MCFD2: variants seen among roughly 807,000 people sequenced by gnomAD.
MCFD2 encodes the protein multiple coagulation factor deficiency protein 2.
In MCFD2, 11 loss-of-function variants were observed where a neutral mutation model predicts 12.8. That is an observed-to-expected ratio of 0.86 (90% CI 0.54 to 1.42). The LOEUF is 1.42. Ranked by LOEUF, MCFD2 falls within the 40% of genes most tolerant of loss-of-function variation. MCFD2 has a pLI of 0.00. For missense variants in MCFD2, 191 were observed against 178.6 expected (o/e 1.07, Z -0.40); for synonymous variants, 70 against 68.1 (o/e 1.03, Z -0.14).
At chr2:46,933,038 A>G (rs960615215) in intron 1 of MCFD2, among the ~76,000 whole-genome samples, 1 of 152,122 alleles carries the variant, frequency 6.6e-6, no homozygotes, top group African/African-American at 2.4e-5. Context: ...CTGCACTGAA[A>G]AGGCTCTGAG....
upstream of MCFD2, among the ~76,000 whole-genome samples, chr2:46,918,575 AAC>A (rs1340820200): frequency 6.6e-6 from 1 of 152,238 alleles, no homozygotes; most frequent in Non-Finnish European, 1.5e-5. Context: ...GGATGCTAAA[AAC>A]AAGACACTAA....
rs925819901 is a variant in MCFD2 at position 46,941,819 on chromosome 2, C to T, written c.-255G>A. On this transcript the variant is annotated 5_prime_UTR_variant, in exon 1 of 3. Transcript: ENST00000409147. The surrounding 1 kb of genome is among the most constrained non-coding windows in gnomAD (Gnocchi z 4.2). Reference sequence around the variant, plus strand: ...CGCCCAGACAGTCCTCGGCCGACAGCGGGCGCCTGCCAGCCCACCGTGCTA... The same window carrying T: ...CGCCCAGACAGTCCTCGGCCGACAGTGGGCGCCTGCCAGCCCACCGTGCTA... 1.2e-4 allele frequency: 180 copies of T among 1,476,632 alleles called. No individual in the cohort carries two copies. In the East Asian group the frequency reaches 1.9e-3, roughly 15 times the overall value. 91.5% of individuals were successfully genotyped at this position (1,476,632 alleles called of 1,614,324 possible).
chr2:46,923,564 C>T lies in MCFD2; in HGVS notation c.-7-15595G>A, dbSNP rs190596614. The stretch of plus-strand genomic sequence containing the variant: ...AGACCTGTCTCTTTACTCTTTTTAA[C>T]ACAAAATTTCTTCCCTTGTTGCAGT... On this transcript the variant is annotated intron_variant, in intron 1 of 2. Transcript: ENST00000409147. Among the ~76,000 whole-genome samples the T allele has an allele frequency of 4.1e-4, 63 of 152,272 alleles. 1 individual carries two copies. Among genetic ancestry groups the T allele is most frequent in the Admixed American group, 7.8e-4 (12 of 15,290 alleles).
chr2:46,910,270 T>A (rs1266615526), intron 1 of MCFD2, among the ~76,000 whole-genome samples: 1 of 152,108 alleles, frequency 6.6e-6, no homozygotes, highest in African/African-American at 2.4e-5. Flanking sequence ...TAATTGTTGA[T>A]TCAATGGAAA....
Position 46,907,802 on chromosome 2 carries a change from A to C in MCFD2, c.309+8T>G. On this transcript the variant is annotated splice_region_variant and intron_variant, in intron 3 of 3. Coordinates refer to ENST00000319466, the MANE Select transcript of MCFD2 (RefSeq NM_139279.6). This position sits in a 1 kb window ranked among gnomAD's most constrained non-coding sequence, Gnocchi z 4.1. Reference sequence around the variant, plus strand: ...TGATACAGTCCCCCAAGCCACTGCCAGACCTACCTCCTTATGGACATGAGT... The same window carrying C: ...TGATACAGTCCCCCAAGCCACTGCCCGACCTACCTCCTTATGGACATGAGT... 6.2e-7 allele frequency: 1 copy of C among 1,614,128 alleles called. No individual in the cohort carries two copies. The highest frequency in any genetic ancestry group is 8.5e-7 in the Non-Finnish European group (1 of 1,179,990).
Position 46,907,665 on chromosome 2 carries a change from G to A in MCFD2, c.309+145C>T. The stretch of plus-strand genomic sequence containing the variant: ...TTCCACTTTGGCCTCCCAAAGTGCT[G>A]GGATTACAGATGCGAGCCATCATGC... On this transcript the variant is annotated intron_variant, in intron 3 of 3. Transcript: ENST00000319466. This position sits in a 1 kb window ranked among gnomAD's most constrained non-coding sequence, Gnocchi z 4.1. 1 of 900,910 alleles carries A rather than the reference G, an allele frequency of 1.1e-6. No homozygotes were observed. Among genetic ancestry groups the A allele is most frequent in the Admixed American group, 1.9e-5 (1 of 51,356 alleles). 55.8% of individuals were successfully genotyped at this position (900,910 alleles called of 1,614,324 possible).
chr2:46,908,741 A>G lies in MCFD2; in HGVS notation c.149+282T>C, dbSNP rs531017614. The G allele has an allele frequency of 4.7e-5, 23 of 487,842 alleles. 1 individual carries two copies. Among genetic ancestry groups the G allele is most frequent in the South Asian group, 2.9e-4 (14 of 48,254 alleles). 30.2% of individuals were successfully genotyped at this position (487,842 alleles called of 1,614,324 possible). A position where few individuals can be genotyped will look rare whatever the true frequency, so the allele number is the denominator to read the frequency against. On this transcript the variant is annotated intron_variant, in intron 2 of 3. Coordinates refer to ENST00000319466, the MANE Select transcript of MCFD2 (RefSeq NM_139279.6). This position sits in a 1 kb window ranked among gnomAD's most constrained non-coding sequence, Gnocchi z 4.5. ...ACTGTGTATGTGTACCTGTGTGTCT[A>G]TTTGTATGTGTGTGTGTCTGTCTGT...
At chr2:46,921,229 A>AT (rs1298073306) in intron 1 of MCFD2, among the ~76,000 whole-genome samples, 1 of 152,220 alleles carries the variant, frequency 6.6e-6, no homozygotes, top group Non-Finnish European at 1.5e-5. Flanking sequence ...AAGTAAAAGT[A>AT]TCTTTATTCA....
At chr2:46,918,236 T>C (rs994043909), upstream of MCFD2, among the ~76,000 whole-genome samples, 2 of 152,260 alleles carry the variant, frequency 1.3e-5, no homozygotes, top group African/African-American at 4.8e-5. Context: ...GTACTCATTC[T>C]GTTGTTCAAG....
At chr2:46,935,305 C>A (rs1270294015) in intron 1 of MCFD2, among the ~76,000 whole-genome samples, 2 of 152,120 alleles carry the variant, frequency 1.3e-5, no homozygotes, top group African/African-American at 2.4e-5. Context: ...TTCAAGGCTG[C>A]AGTGAACTAT....
intron 1 of MCFD2, among the ~76,000 whole-genome samples, chr2:46,911,648 A>T (rs1028633123): frequency 6.6e-6 from 1 of 151,724 alleles, no homozygotes; most frequent in Non-Finnish European, 1.5e-5. Context: ...TTCAGCCGGC[A>T]TGGTGGCTCG....
At chr2:46,928,540 C>G (rs1669526693) in intron 1 of MCFD2, among the ~76,000 whole-genome samples, 1 of 149,366 alleles carries the variant, frequency 6.7e-6, no homozygotes, top group African/African-American at 2.5e-5. Context: ...GAAGCCGAGA[C>G]AGGTGGATTG....
chr2:46,908,965 T>A lies in MCFD2; in HGVS notation c.149+58A>T. The stretch of plus-strand genomic sequence containing the variant: ...GGAGGACTGAGCATGCCCTTGCCGC[T>A]GGCTCAGCTGCAGATGATGGGGAGG... On this transcript the variant is annotated intron_variant, in intron 2 of 3. Transcript: ENST00000319466. This position sits in a 1 kb window ranked among gnomAD's most constrained non-coding sequence, Gnocchi z 4.5. 1 of 1,611,096 alleles carries A rather than the reference T, an allele frequency of 6.2e-7. No individual in the cohort carries two copies. The highest frequency in any genetic ancestry group is 8.5e-7 in the Non-Finnish European group (1 of 1,177,288).
chr2:46,912,155 G>A (rs752305312), intron 1 of MCFD2, among the ~76,000 whole-genome samples: 9 of 151,598 alleles, frequency 5.9e-5, no homozygotes, highest in African/African-American at 1.9e-4. Context: ...GGCCAATGTG[G>A]CAAAATGCGT....
At chr2:46,919,840 A>G (rs577607352), upstream of MCFD2, among the ~76,000 whole-genome samples, 14 of 152,364 alleles carry the variant, frequency 9.2e-5, no homozygotes, top group Middle Eastern at 0.014. Flanking sequence ...TGTTTAGAGA[A>G]AAGGTCTTGC....
intron 1 of MCFD2, among the ~76,000 whole-genome samples, chr2:46,934,650 C>T (rs77549070): frequency 0.057 from 8,620 of 152,008 alleles, 293 homozygotes; most frequent in African/African-American, 0.088. Context: ...TCATAGGTTG[C>T]AGTAAGCCTG....
intron 1 of MCFD2, among the ~76,000 whole-genome samples, chr2:46,914,418 C>T (rs1194043136): frequency 6.6e-6 from 1 of 152,224 alleles, no homozygotes; most frequent in Non-Finnish European, 1.5e-5. Flanking sequence ...GTCACTTACC[C>T]CTGTCATGGT....
At chr2:46,915,323 T>TC (rs1668677559) in intron 1 of MCFD2, among the ~76,000 whole-genome samples, 1 of 151,754 alleles carries the variant, frequency 6.6e-6, no homozygotes, top group African/African-American at 2.4e-5. Flanking sequence ...GAGATCAGCT[T>TC]CCCCCGCCGG....
At chr2:46,905,695 TAAAAAAAAAAAAA>T in intron 3 of MCFD2, 101 bp from the exon 4 acceptor site, 1 of 507,148 alleles carries the variant, frequency 2.0e-6, no homozygotes, top group Non-Finnish European at 3.3e-6. Context: ...CACTGTTTAT[TAAAAAAAAAAAAA>T]AAAAAAAGGA....
Sources: allele counts gnomAD v4.1 joint callset (sites outside exome capture counted in the v4.1 genomes callset), GRCh38; gene constraint gnomAD v4.1.1; non-coding constraint Gnocchi (gnomAD v3.1); transcripts MANE v1.5; gene names NCBI Gene and HGNC (gene_info 2026-07-23, HGNC 2026-07-21).